IRAK3: variants seen among roughly 807,000 people sequenced by gnomAD.
IRAK3 encodes interleukin 1 receptor associated kinase 3, also known as interleukin-1 receptor-associated kinase 3.
IRAK3 carries 57 observed loss-of-function variants against 56.6 expected under a neutral mutation model. The ratio of observed to expected loss-of-function variants is 1.01; its 90% CI spans 0.81 to 1.26. IRAK3 has a LOEUF of 1.26. Ranked by LOEUF, IRAK3 falls within the 50% of genes most tolerant of loss-of-function variation. IRAK3 has a pLI of 0.00. For missense variants in IRAK3, 703 were observed against 719.0 expected, an observed-to-expected ratio of 0.98 and a Z score of 0.25; for synonymous variants, 258 against 255.7, an observed-to-expected ratio of 1.01 and a Z score of -0.09.
intron 1 of IRAK3, chr12:66,196,893 G>A: frequency 1.3e-6 from 2 of 1,522,144 alleles, no homozygotes; most frequent in African/African-American, 1.4e-5. Flanking sequence ...CTAAAAACAA[G>A]CTTTGTGAGA....
chr12:66,215,414 G>T (rs965204069), intron 5 of IRAK3, among the ~76,000 whole-genome samples: 4 of 152,090 alleles, frequency 2.6e-5, no homozygotes, highest in African/African-American at 9.7e-5. Context: ...GACCCCTCCA[G>T]TGTGGTTTGG....
intron 7 of IRAK3, 105 bp from the exon 8 acceptor site, chr12:66,228,147 C>T (rs1027342596): frequency 9.3e-6 from 8 of 864,706 alleles, no homozygotes; most frequent in African/African-American, 3.3e-5. Context: ...CCCACCTCAC[C>T]CCACCTTGCT....
chr12:66,234,700 A>G (rs544333625), intron 8 of IRAK3: 3 of 1,605,646 alleles, frequency 1.9e-6, no homozygotes, highest in East Asian at 2.2e-5. Context: ...TAAAATGACC[A>G]GTAACAGCTT....
intron 1 of IRAK3, among the ~76,000 whole-genome samples, chr12:66,194,376 T>A (rs757420236): frequency 6.6e-6 from 1 of 152,110 alleles, no homozygotes; most frequent in Non-Finnish European, 1.5e-5. Context: ...CTTGAACCCC[T>A]CCAGTCAGGG....
rs1030222319 is a variant in IRAK3, at chr12:66,197,434, T to C, written c.134-6277T>C. ...GTTGTATCAGATTGGAGCTATTTTATAGAATTGGATCTAAATGAAGTATAC... is the reference window on the plus strand; with the variant it reads ...GTTGTATCAGATTGGAGCTATTTTACAGAATTGGATCTAAATGAAGTATAC... On this transcript the variant is annotated intron_variant, in intron 1 of 11. Coordinates refer to ENST00000261233, the MANE Select transcript of IRAK3 (RefSeq NM_007199.3). 5 of 984,860 alleles carry C rather than the reference T, an allele frequency of 5.1e-6. No individual in the cohort carries two copies. In the South Asian group the frequency reaches 1.9e-4, roughly 37 times the overall value. The allele number at this position is 984,860 out of a possible 1,614,324, so 61.0% of individuals were successfully genotyped here.
chr12:66,203,921 C>T (rs1882200), intron 2 of IRAK3, 28 bp downstream of exon 2: 421,069 of 1,573,750 alleles, frequency 0.27, 58,478 homozygotes, highest in Middle Eastern at 0.32. Flanking sequence ...TAATGTGGCT[C>T]TTAATCTGTA....
chr12:66,241,583 T>G lies in IRAK3; in HGVS notation c.888-2903T>G, dbSNP rs139117613. ...TTGAAGGGCCTTTTGCAATTTCCGC[T>G]TTCCTAAAACAGAACATCCTTCTTC... On this transcript the variant is annotated intron_variant, in intron 8 of 11. Transcript: ENST00000261233. 2.0e-3 allele frequency among the ~76,000 whole-genome samples: 306 copies of G among 152,332 alleles called. 1 individual carries two copies. Among genetic ancestry groups the G allele is most frequent in the African/African-American group, 7.0e-3 (291 of 41,578 alleles).
At chr12:66,220,214 T>A (rs1432107268) in intron 6 of IRAK3, among the ~76,000 whole-genome samples, 4 of 152,310 alleles carry the variant, frequency 2.6e-5, no homozygotes, top group African/African-American at 9.6e-5. Flanking sequence ...CATTTTGAGT[T>A]AATTTTTGTA....
At position 66,247,730 on chromosome 12, in the gene IRAK3, G is replaced by T. The variant is rs2053049738; in HGVS notation, c.1350G>T (p.Leu450Phe). 2 of 1,614,006 alleles carry T rather than the reference G, an allele frequency of 1.2e-6. No individual in the cohort carries two copies. The highest frequency in any genetic ancestry group is 3.3e-5 in the Admixed American group (2 of 60,022). ...LNTLESTQAS[L>F]YFAEDPPTSL... The stretch of plus-strand genomic sequence containing the variant: ...CTCTTGAAAGTACTCAAGCCAGCTT[G>T]TATTTTGCTGAAGATCCTCCCACAT... Residue 450 changes from leucine (L) to phenylalanine (F), a missense_variant, in exon 12 of 12, where the codon TTG becomes TTT. By Grantham distance (22) the Leu-to-Phe change is conservative. Transcript: ENST00000261233.
intron 6 of IRAK3, among the ~76,000 whole-genome samples, chr12:66,223,583 CAGGAGGCAG>C: frequency 6.7e-6 from 1 of 149,794 alleles, no homozygotes; most frequent in Non-Finnish European, 1.5e-5. Context: ...GGCGTGAACC[CAGGAGGCAG>C]AGCTTGCAGT....
intron 8 of IRAK3, among the ~76,000 whole-genome samples, chr12:66,237,149 T>A (rs754250389): frequency 2.0e-5 from 3 of 152,124 alleles, no homozygotes; most frequent in Non-Finnish European, 2.9e-5. Flanking sequence ...TCTTACCTCA[T>A]CTGGAACTGG....
intron 6 of IRAK3, among the ~76,000 whole-genome samples, chr12:66,220,514 C>CTTATTT (rs767977181): frequency 3.0e-5 from 2 of 67,350 alleles, no homozygotes; most frequent in South Asian, 5.6e-4. Context: ...GTTCTTCTTT[C>CTTATTT]TTTTTTTTTT....
At chr12:66,192,553 G>A (rs1338213108) in intron 1 of IRAK3, among the ~76,000 whole-genome samples, 2 of 152,084 alleles carry the variant, frequency 1.3e-5, no homozygotes, top group Admixed American at 6.6e-5. Context: ...ACTGAGAAAC[G>A]CTTTTTGCAA....
At position 66,228,305 on chromosome 12, in the gene IRAK3, A is replaced by G. The variant is rs1592594889; in HGVS notation, c.822A>G (p.Ile274Met). The change falls in exon 8 of 12, where the codon ATA (isoleucine) becomes ATG (methionine). Residue 274 changes from isoleucine (I) to methionine (M), a missense_variant. By Grantham distance (10) the Ile-to-Met change is conservative. Coordinates refer to ENST00000261233, the MANE Select transcript of IRAK3 (RefSeq NM_007199.3). ...WHIRIGILIG[I>M]SKAIHYLHNV... Reference sequence around the variant, plus strand: ...TTCGAATCGGTATATTAATAGGAATATCCAAAGCCATTCACTACCTGCACA... The same window carrying G: ...TTCGAATCGGTATATTAATAGGAATGTCCAAAGCCATTCACTACCTGCACA... The G allele has an allele frequency of 6.2e-7, 1 of 1,614,170 alleles. No homozygotes were observed. Among genetic ancestry groups the G allele is most frequent in the East Asian group, 2.2e-5 (1 of 44,882 alleles).
At chr12:66,228,672 T>C (rs1009388313) in intron 8 of IRAK3, among the ~76,000 whole-genome samples, 3 of 101,182 alleles carry the variant, frequency 3.0e-5, no homozygotes, top group African/African-American at 5.4e-5. Context: ...TTCAACAAAA[T>C]GATTTTTTTT....
At chr12:66,240,294 A>G (rs554970735) in intron 8 of IRAK3, among the ~76,000 whole-genome samples, 41 of 152,288 alleles carry the variant, frequency 2.7e-4, no homozygotes, top group African/African-American at 9.1e-4. Context: ...GAGTTTCACA[A>G]TTAAAGGAGG....
chr12:66,203,984 C>A, intron 2 of IRAK3, 91 bp downstream of exon 2: 1 of 1,140,938 alleles, frequency 8.8e-7, no homozygotes, highest in Non-Finnish European at 1.3e-6. Flanking sequence ...AAGACATTGA[C>A]TCATGCTCTG....
rs1450816985 is a variant in IRAK3 at position 66,203,788 on chromosome 12, G to C, written c.211G>C (p.Glu71Gln). 6.2e-7 allele frequency: 1 copy of C among 1,613,790 alleles called. No homozygotes were observed. Among genetic ancestry groups the C allele is most frequent in the South Asian group, 1.1e-5 (1 of 91,070 alleles). ...AGACCAAGGTAAAAGTGGAACAAGA[G>C]AATTACTTTGGTCCTGGGCACAGAA... is the stretch of plus-strand genomic sequence containing the variant. ...YVDQGKSGTRELLWSWAQKNK... is the reference protein window; with the variant it reads ...YVDQGKSGTRQLLWSWAQKNK... Residue 71 changes from glutamate (E) to glutamine (Q), a missense_variant, in exon 2 of 12, where the codon GAA becomes CAA. Physicochemically the swap from Glu to Gln is conservative, Grantham distance 29. Coordinates refer to ENST00000261233, the MANE Select transcript of IRAK3 (RefSeq NM_007199.3).
intron 2 of IRAK3, among the ~76,000 whole-genome samples, chr12:66,206,670 C>T (rs568425240): frequency 6.6e-6 from 1 of 152,234 alleles, no homozygotes; most frequent in Admixed American, 6.5e-5. Context: ...AGGTATTGGT[C>T]TGTTGTTTTC....
Sources: allele counts gnomAD v4.1 joint callset (sites outside exome capture counted in the v4.1 genomes callset), GRCh38; gene constraint gnomAD v4.1.1; transcripts MANE v1.5; gene names NCBI Gene and HGNC (gene_info 2026-07-23, HGNC 2026-07-21).